The following PKNOX2 variants were observed in gnomAD, a reference collection of about 807,000 sequenced individuals.
PKNOX2 encodes the protein homeobox protein PKNOX2.
A neutral mutation model predicts 53.1 loss-of-function variants in PKNOX2; 14 were observed. The observed-to-expected ratio is 0.26, with a 90% CI of 0.17 to 0.41. The LOEUF is 0.41. Ranked by LOEUF, PKNOX2 falls within the 10% of genes least tolerant of loss-of-function variation. PKNOX2 has a pLI of 1.00. For missense variants in PKNOX2, 496 were observed against 602.8 expected, an observed-to-expected ratio of 0.82 and a Z score of 1.85; for synonymous variants, 257 against 242.8, an observed-to-expected ratio of 1.06 and a Z score of -0.54.
intron 2 of PKNOX2, among the ~76,000 whole-genome samples, chr11:125,309,389 T>C (rs1948669320): frequency 1.2e-5 from 1 of 86,278 alleles, no homozygotes; most frequent in African/African-American, 6.0e-5. Flanking sequence ...CAGTACCAAT[T>C]TTTTTTTTTT....
chr11:125,217,132 C>G (rs1176141941), intron 1 of PKNOX2, among the ~76,000 whole-genome samples: 1 of 152,036 alleles, frequency 6.6e-6, no homozygotes, highest in Non-Finnish European at 1.5e-5. Flanking sequence ...GTCACACACA[C>G]AGGCATGTGC....
At chr11:125,349,992 G>T (rs1487171335) in intron 3 of PKNOX2, among the ~76,000 whole-genome samples, 2 of 152,112 alleles carry the variant, frequency 1.3e-5, no homozygotes, top group African/African-American at 4.8e-5. Flanking sequence ...GCTGGAAGAG[G>T]ATGAAGCCCT....
rs150313961 is a variant in PKNOX2 at position 125,363,604 on chromosome 11, A to ACCTGTC, written c.88-4232_88-4227dup. ...TCCTCCATGCCTACCCTAATGGCCT[A>ACCTGTC]CCTGTCCCTGTCCCTAGCGGGCTGC... On this transcript the variant is annotated intron_variant, in intron 4 of 12. Transcript: ENST00000298282. 2.7e-3 allele frequency among the ~76,000 whole-genome samples: 407 copies of ACCTGTC among 152,218 alleles called. 2 individuals carry two copies. The highest frequency in any genetic ancestry group is 9.3e-3 in the African/African-American group (385 of 41,544).
chr11:125,241,312 T>C (rs1322488918), intron 2 of PKNOX2, among the ~76,000 whole-genome samples: 1 of 152,340 alleles, frequency 6.6e-6, no homozygotes, highest in African/African-American at 2.4e-5. Flanking sequence ...CCTTTGCACA[T>C]GCTGCTTATC....
rs754300485 is a variant in PKNOX2 at position 125,431,161 on chromosome 11, C to T, written c.1193-5C>T. 1.7e-5 allele frequency: 28 copies of T among 1,612,592 alleles called. No individual in the cohort carries two copies. The highest frequency in any genetic ancestry group is 1.7e-4 in the Admixed American group (10 of 59,892). ...CCTCGTCCTGACCCTTGCTTTCTCTCGCAGGTTCCATCAACTTGGACAACC... is the reference window on the plus strand; with the variant it reads ...CCTCGTCCTGACCCTTGCTTTCTCTTGCAGGTTCCATCAACTTGGACAACC... On this transcript the variant is annotated splice_polypyrimidine_tract_variant and splice_region_variant and intron_variant, in intron 12 of 12. Transcript: ENST00000298282.
intron 2 of PKNOX2, 49 bp downstream of exon 2, chr11:125,235,164 G>A (rs1164130101): frequency 6.6e-6 from 1 of 152,592 alleles, no homozygotes; most frequent in Non-Finnish European, 1.5e-5. Flanking sequence ...TAAGGTTAGG[G>A]GTTAAAGACC....
chr11:125,247,821 G>A (rs1943676512), intron 2 of PKNOX2, among the ~76,000 whole-genome samples: 1 of 152,174 alleles, frequency 6.6e-6, no homozygotes, highest in Admixed American at 6.5e-5. Context: ...GACCCTTAAT[G>A]TATTGCCCCT....
At position 125,340,110 on chromosome 11, in the gene PKNOX2, G is replaced by A. The variant is rs840023; in HGVS notation, c.-23+8185G>A. 4.7e-3 allele frequency among the ~76,000 whole-genome samples: 723 copies of A among 152,310 alleles called. 6 individuals carry two copies. Among genetic ancestry groups the A allele is most frequent in the Non-Finnish European group, 5.6e-3 (380 of 68,040 alleles). On this transcript the variant is annotated intron_variant, in intron 3 of 12. Coordinates refer to ENST00000298282, the MANE Select transcript of PKNOX2 (RefSeq NM_001382323.2). ...AATGCAATGAAATATTTAACAAAAT[G>A]TGTACACACACTGCTGTAGCAGGAT...
At chr11:125,305,147 A>G (rs745949203) in intron 2 of PKNOX2, among the ~76,000 whole-genome samples, 7 of 152,200 alleles carry the variant, frequency 4.6e-5, no homozygotes, top group African/African-American at 1.7e-4. Context: ...TTACCACTCC[A>G]GATGATCTGG....
At chr11:125,203,121 G>C (rs995683891) in intron 1 of PKNOX2, among the ~76,000 whole-genome samples, 1 of 152,116 alleles carries the variant, frequency 6.6e-6, no homozygotes, top group Admixed American at 6.5e-5. Flanking sequence ...TTCAGGCTAG[G>C]ACCTCACCTC....
intron 6 of PKNOX2, among the ~76,000 whole-genome samples, chr11:125,395,053 A>C (rs568704940): frequency 1.2e-4 from 18 of 152,200 alleles, no homozygotes; most frequent in Non-Finnish European, 1.9e-4. Flanking sequence ...AGCAAAGTAC[A>C]GAACAGTTCC....
At chr11:125,400,339 T>G (rs1371456561) in intron 7 of PKNOX2, among the ~76,000 whole-genome samples, 1 of 152,178 alleles carries the variant, frequency 6.6e-6, no homozygotes, top group Non-Finnish European at 1.5e-5. Flanking sequence ...GACAGGAGCT[T>G]CCTAACCTGC....
rs148539229 is a variant in PKNOX2 at position 125,424,415 on chromosome 11, A to C, written c.937-4597A>C. 7.2e-5 allele frequency among the ~76,000 whole-genome samples: 11 copies of C among 151,992 alleles called. No homozygotes were observed. In the East Asian group the frequency reaches 2.1e-3, roughly 29 times the overall value. On this transcript the variant is annotated intron_variant, in intron 10 of 12. Coordinates refer to ENST00000298282, the MANE Select transcript of PKNOX2 (RefSeq NM_001382323.2). ...CATCCCACCATCAGTGGCCTCTTAGATGTGATGGAATGTGGTCGTTTTGGG... is the reference window on the plus strand; with the variant it reads ...CATCCCACCATCAGTGGCCTCTTAGCTGTGATGGAATGTGGTCGTTTTGGG...
chr11:125,272,195 G>T lies in PKNOX2; in HGVS notation c.-130+37080G>T, dbSNP rs569605052. 4.0e-4 allele frequency among the ~76,000 whole-genome samples: 61 copies of T among 152,344 alleles called. 1 individual carries two copies. In the South Asian group the frequency reaches 0.012, roughly 30 times the overall value. ...TGATGACAGTCCTCCTGGCTGTGAA[G>T]GGTCGTGGGGGTGTGAGGAAAGCTC... On this transcript the variant is annotated intron_variant, in intron 2 of 12. Transcript: ENST00000298282.
At chr11:125,348,748 C>A (rs780407649) in intron 3 of PKNOX2, among the ~76,000 whole-genome samples, 1 of 152,218 alleles carries the variant, frequency 6.6e-6, no homozygotes, top group African/African-American at 2.4e-5. Context: ...GAATGAAAGG[C>A]GCCTCTCTGT....
Position 125,240,693 on chromosome 11 carries a change from A to G in PKNOX2, c.-130+5578A>G, listed in dbSNP as rs1893186. Among the ~76,000 whole-genome samples the G allele has an allele frequency of 0.27, 40,544 of 151,834 alleles. 5,748 individuals are homozygous for G. The highest frequency in any genetic ancestry group is 0.51 in the East Asian group (2,593 of 5,118). On this transcript the variant is annotated intron_variant, in intron 2 of 12. Coordinates refer to ENST00000298282, the MANE Select transcript of PKNOX2 (RefSeq NM_001382323.2). This position sits in a 1 kb window ranked among gnomAD's most constrained non-coding sequence, Gnocchi z 4.3. ...CACTTCCACCATTACCCATTCTCAGATCCTTCTCAAATCCTCAGAGGGAGA... is the reference window on the plus strand; with the variant it reads ...CACTTCCACCATTACCCATTCTCAGGTCCTTCTCAAATCCTCAGAGGGAGA...
chr11:125,320,454 G>A (rs1174223721), intron 2 of PKNOX2, among the ~76,000 whole-genome samples: 3 of 152,102 alleles, frequency 2.0e-5, no homozygotes, highest in African/African-American at 7.2e-5. Context: ...GGAACAGGAG[G>A]GTGGGCAGCA....
At chr11:125,294,746 A>C (rs993123766) in intron 2 of PKNOX2, among the ~76,000 whole-genome samples, 1 of 152,240 alleles carries the variant, frequency 6.6e-6, no homozygotes, top group African/African-American at 2.4e-5. Flanking sequence ...CCACTTCTTC[A>C]TCTGCAATAC....
At chr11:125,358,925 T>C (rs1475837354) in intron 4 of PKNOX2, among the ~76,000 whole-genome samples, 1 of 152,140 alleles carries the variant, frequency 6.6e-6, no homozygotes, top group Admixed American at 6.5e-5. Context: ...TTGCCGGTGT[T>C]GGGGTCCGTT....
Sources: gnomAD v4.1 joint callset for allele counts (sites outside exome capture counted in the v4.1 genomes callset) on GRCh38, gnomAD v4.1.1 for gene constraint, Gnocchi (gnomAD v3.1) non-coding constraint, MANE v1.5 for transcripts, NCBI Gene and HGNC (gene_info 2026-07-23, HGNC 2026-07-21) for gene names.